MIS18A: variants seen among roughly 807,000 people sequenced by gnomAD.
The protein encoded by MIS18A is MIS18 kinetochore protein A.
Under a neutral mutation model 25.0 loss-of-function variants are expected in MIS18A, and 14 were observed. That is an observed-to-expected ratio of 0.56 (90% confidence interval 0.37 to 0.88). MIS18A has a LOEUF of 0.88. Ranked by LOEUF, MIS18A falls within the 40% of genes least tolerant of loss-of-function variation. MIS18A has a pLI of 0.00. For missense variants in MIS18A, 292 were observed against 290.8 expected (o/e 1.00, Z -0.03); for synonymous variants, 134 against 118.6 (o/e 1.13, Z -0.84).
chr21:32,226,897 CA>C, the MIS18A span, among the ~76,000 whole-genome samples: 1 of 151,956 alleles, frequency 6.6e-6, no homozygotes, highest in Non-Finnish European at 1.5e-5. Flanking sequence ...GTTCTCCAAC[CA>C]TAATGAAATG....
the MIS18A span, among the ~76,000 whole-genome samples, chr21:32,185,665 C>T: frequency 6.6e-6 from 1 of 152,138 alleles, no homozygotes; most frequent in Non-Finnish European, 1.5e-5. Context: ...TGGAACTTTG[C>T]TGCCTCTGGG....
the MIS18A span, among the ~76,000 whole-genome samples, chr21:32,157,188 T>TG: frequency 6.7e-6 from 1 of 149,716 alleles, no homozygotes; most frequent in South Asian, 2.1e-4. Context: ...CCTGAGTAGC[T>TG]GGGATTACCA....
At chr21:32,266,030 T>C (rs1048153278), downstream of MIS18A, among the ~76,000 whole-genome samples, 3 of 152,086 alleles carry the variant, frequency 2.0e-5, no homozygotes, top group Non-Finnish European at 4.4e-5. Context: ...ACTCTGTATC[T>C]AGCTGCTCTG....
At chr21:32,163,534 T>C in the MIS18A span, among the ~76,000 whole-genome samples, 331 of 152,272 alleles carry the variant, frequency 2.2e-3, 1 homozygote, top group Non-Finnish European at 3.8e-3. Context: ...TACATCAGCA[T>C]CCGCAAAATG....
chr21:32,221,664 G>A, the MIS18A span, among the ~76,000 whole-genome samples: 35 of 150,826 alleles, frequency 2.3e-4, no homozygotes, highest in Admixed American at 2.3e-3. Context: ...TGGATCACGA[G>A]GTCAGGAGTT....
chr21:32,277,465 C>G (rs1358088356), intron 1 of MIS18A, among the ~76,000 whole-genome samples: 4 of 151,668 alleles, frequency 2.6e-5, no homozygotes, highest in Non-Finnish European at 5.9e-5. Context: ...TCTTTTTTTT[C>G]TTTTTTGAGA....
the MIS18A span, chr21:32,260,741 A>T: frequency 6.6e-6 from 1 of 152,368 alleles, no homozygotes; most frequent in Non-Finnish European, 1.5e-5. Flanking sequence ...GGCCAGGTGC[A>T]GTGGCTCATG....
At chr21:32,180,987 C>T in the MIS18A span, among the ~76,000 whole-genome samples, 2 of 151,994 alleles carry the variant, frequency 1.3e-5, no homozygotes, top group Non-Finnish European at 2.9e-5. Context: ...CATGGGATGC[C>T]CAGATAGCTG....
the MIS18A span, among the ~76,000 whole-genome samples, chr21:32,253,307 G>A: frequency 1.3e-5 from 2 of 152,118 alleles, no homozygotes; most frequent in Non-Finnish European, 2.9e-5. Flanking sequence ...GTACACAGCG[G>A]GCATGCGCAG....
chr21:32,269,944 T>C, intron 3 of MIS18A, 141 bp from the exon 4 acceptor site: 2 of 613,560 alleles, frequency 3.3e-6, no homozygotes, highest in South Asian at 2.0e-5. Flanking sequence ...CCCCGGGCAA[T>C]ATGCCTGTAG....
chr21:32,239,431 T>C, the MIS18A span, among the ~76,000 whole-genome samples: 1 of 152,244 alleles, frequency 6.6e-6, no homozygotes, highest in Non-Finnish European at 1.5e-5. Flanking sequence ...ACCTAGCTGA[T>C]ACTGATAAGG....
At chr21:32,244,592 C>G in the MIS18A span, among the ~76,000 whole-genome samples, 1 of 151,966 alleles carries the variant, frequency 6.6e-6, no homozygotes, top group Non-Finnish European at 1.5e-5. Context: ...AAAAAAGTAG[C>G]CAGGTGTGGG....
the MIS18A span, among the ~76,000 whole-genome samples, chr21:32,167,579 A>C: frequency 2.6e-5 from 4 of 152,334 alleles, no homozygotes; most frequent in Admixed American, 1.3e-4. Flanking sequence ...TTACTGGGGC[A>C]TAGAGAGCAA....
the MIS18A span, among the ~76,000 whole-genome samples, chr21:32,169,104 G>C: frequency 6.6e-6 from 1 of 152,078 alleles, no homozygotes; most frequent in Non-Finnish European, 1.5e-5. Context: ...CTGAATCTTA[G>C]TAAGGATAAC....
At chr21:32,165,425 C>T in the MIS18A span, among the ~76,000 whole-genome samples, 1 of 127,574 alleles carries the variant, frequency 7.8e-6, no homozygotes, top group East Asian at 2.1e-4. Context: ...AACTAAGTAA[C>T]ATGATCTAAA....
chr21:32,259,367 C>T, the MIS18A span, among the ~76,000 whole-genome samples: 2 of 152,192 alleles, frequency 1.3e-5, no homozygotes, highest in African/African-American at 4.8e-5. Flanking sequence ...ACTGAGAAGG[C>T]TGGGGAGCCA....
At chr21:32,240,313 T>C in the MIS18A span, among the ~76,000 whole-genome samples, 3 of 152,242 alleles carry the variant, frequency 2.0e-5, no homozygotes, top group Non-Finnish European at 2.9e-5. Flanking sequence ...ATGGGATTAG[T>C]GTCCTTGTAA....
intron 2 of MIS18A, 110 bp from the exon 3 acceptor site, chr21:32,270,639 A>T (rs975049540): frequency 4.2e-6 from 5 of 1,196,616 alleles, no homozygotes; most frequent in African/African-American, 3.2e-5. Context: ...TGCTATTCTG[A>T]CCACACTAGG....
At chr21:32,262,649 C>G in the MIS18A span, among the ~76,000 whole-genome samples, 1 of 152,146 alleles carries the variant, frequency 6.6e-6, no homozygotes, top group African/African-American at 2.4e-5. Context: ...GGTTGAAGAG[C>G]CCTTGAAGGG....
Sources: gnomAD v4.1 joint callset for allele counts (sites outside exome capture counted in the v4.1 genomes callset) on GRCh38, gnomAD v4.1.1 for gene constraint, MANE v1.5 for transcripts, NCBI Gene and HGNC (gene_info 2026-07-23, HGNC 2026-07-21) for gene names.